The following MYD88 variants were observed in gnomAD, a reference collection of about 807,000 sequenced individuals.
The protein encoded by MYD88 is MYD88 innate immune signal transduction adaptor.
Under a neutral mutation model 31.1 loss-of-function variants are expected in MYD88, and 15 were observed. The ratio of observed to expected loss-of-function variants is 0.48; its 90% confidence interval spans 0.32 to 0.74. The LOEUF (loss-of-function observed/expected upper bound fraction) is 0.74. MYD88 is among the 30% of genes least tolerant of loss of function. The pLI, the probability that MYD88 is intolerant of heterozygous loss-of-function variation, is 0.03. For missense variants in MYD88, 308 were observed against 387.4 expected, an observed-to-expected ratio of 0.79 and a Z score of 1.72; for synonymous variants, 157 against 158.8, an observed-to-expected ratio of 0.99 and a Z score of 0.08.
rs1471682968 is a variant in MYD88, at chr3:38,142,891, C to T, written c.*1605C>T. Reference sequence around the variant, plus strand: ...TTAAAGCCATCTCAAGAGGCATCTTCTACATGTTTTGTACGCATTAAAATA... The same window carrying T: ...TTAAAGCCATCTCAAGAGGCATCTTTTACATGTTTTGTACGCATTAAAATA... On this transcript the variant is annotated 3_prime_UTR_variant, in exon 5 of 5. Coordinates refer to ENST00000650905, the MANE Select transcript of MYD88 (RefSeq NM_002468.5). 1 of 233,156 alleles carries T rather than the reference C, an allele frequency of 4.3e-6. No individual in the cohort carries two copies. The highest frequency in any genetic ancestry group is 8.5e-6 in the Non-Finnish European group (1 of 118,052). 14.4% of individuals were successfully genotyped at this position (233,156 alleles called of 1,614,324 possible). A position where few individuals can be genotyped will look rare whatever the true frequency, so the allele number is the denominator to read the frequency against.
At position 38,138,767 on chromosome 3, in the gene MYD88, G is replaced by A. The variant is rs750178090; in HGVS notation, c.67G>A (p.Ala23Thr). The change falls in exon 1 of 5, where the codon GCT (alanine) becomes ACT (threonine). Residue 23 changes from alanine (A) to threonine (T), a missense_variant. By Grantham distance (58) the Ala-to-Thr change is moderately conservative. Coordinates refer to ENST00000650905, the MANE Select transcript of MYD88 (RefSeq NM_002468.5). The surrounding 1 kb of genome is among the most constrained non-coding windows in gnomAD (Gnocchi z 6.4). ...PVSSTSSLPL[A>T]ALNMRVRRRL... ...CTCCTCCACATCCTCCCTTCCCCTG[G>A]CTGCTCTCAACATGCGAGTGCGGCG... 6.2e-7 allele frequency: 1 copy of A among 1,612,896 alleles called. No individual in the cohort carries two copies. Among genetic ancestry groups the A allele is most frequent in the South Asian group, 1.1e-5 (1 of 91,086 alleles).
Position 38,140,575 on chromosome 3 carries a change from TAGA to T in MYD88, c.644+10_644+12del, listed in dbSNP as rs1267085916. 1 of 1,614,146 alleles carries T rather than the reference TAGA, an allele frequency of 6.2e-7. No homozygotes were observed. Among genetic ancestry groups the T allele is most frequent in the African/African-American group, 1.3e-5 (1 of 75,042 alleles). On this transcript the variant is annotated splice_region_variant and intron_variant, in intron 3 of 4. Coordinates refer to ENST00000650905, the MANE Select transcript of MYD88 (RefSeq NM_002468.5). ...GTGAGCTCATCGAAAAGAGGTTGGC[TAGA>T]AGGCCACGGGGTGGGTGCGTGGATG... is the stretch of plus-strand genomic sequence containing the variant.
In MYD88 at chr3:38,141,280, G is replaced by T; in HGVS notation, c.885G>T (p.Leu295=). 6.2e-7 allele frequency: 1 copy of T among 1,614,232 alleles called. No individual in the cohort carries two copies. Among genetic ancestry groups the T allele is most frequent in the Non-Finnish European group, 8.5e-7 (1 of 1,180,044 alleles). The part of the protein sequence containing the change: ...FWTRLAKALS[L]P ...CTCGCCTTGCCAAGGCCTTGTCCCT[G>T]CCCTGAAGACTGTTCTGAGGCCCTG... The change falls in exon 5 of 5, where the codon CTG becomes CTT. Residue 295 remains leucine (L), a synonymous_variant. Transcript: ENST00000650905.
At position 38,139,061 on chromosome 3, in the gene MYD88, G is replaced by C; in HGVS notation, c.328+33G>C. 1 of 1,590,272 alleles carries C rather than the reference G, an allele frequency of 6.3e-7. No homozygotes were observed. Among genetic ancestry groups the C allele is most frequent in the Non-Finnish European group, 8.5e-7 (1 of 1,173,154 alleles). On this transcript the variant is annotated intron_variant, in intron 1 of 4. Transcript: ENST00000650905. This position sits in a 1 kb window ranked among gnomAD's most constrained non-coding sequence, Gnocchi z 4.7. ...CGTCCCCTTCCTGGCCTCGTACCTG[G>C]GGGGTGAGGAGGCTGACTTTCCGCG...
In MYD88 at chr3:38,142,832, GC is replaced by G. The variant is rs1298164607; in HGVS notation, c.*1548del. The G allele has an allele frequency of 4.3e-6, 1 of 233,150 alleles. No individual in the cohort carries two copies. Among genetic ancestry groups the G allele is most frequent in the Non-Finnish European group, 8.5e-6 (1 of 118,066 alleles). The allele number at this position is 233,150 out of a possible 1,614,324, so 14.4% of individuals were successfully genotyped here. On this transcript the variant is annotated 3_prime_UTR_variant, in exon 5 of 5. Transcript: ENST00000650905. ...CATGATCTTGTTGAGGCATTTAGCT[GC>G]CATGCACCTGTCCCCCTTTAATACT...
chr3:38,141,301 C>T lies in MYD88; in HGVS notation c.*15C>T. 2 of 1,614,186 alleles carry T rather than the reference C, an allele frequency of 1.2e-6. No homozygotes were observed. Among genetic ancestry groups the T allele is most frequent in the Non-Finnish European group, 1.7e-6 (2 of 1,179,994 alleles). ...CCCTGCCCTGAAGACTGTTCTGAGG[C>T]CCTGGGTGTGTGTGTATCTGTCTGC... On this transcript the variant is annotated 3_prime_UTR_variant, in exon 5 of 5. Transcript: ENST00000650905.
chr3:38,140,479 A>G lies in MYD88; in HGVS notation c.555A>G (p.Thr185=). 6.2e-7 allele frequency: 1 copy of G among 1,614,240 alleles called. No individual in the cohort carries two copies. The highest frequency in any genetic ancestry group is 8.5e-7 in the Non-Finnish European group (1 of 1,180,042). The stretch of plus-strand genomic sequence containing the variant: ...AGATGATCCGGCAACTGGAACAGAC[A>G]AACTATCGACTGAAGTTGTGTGTGT... The part of the protein sequence containing the change: ...VQEMIRQLEQ[T]NYRLKLCVSD... The change falls in exon 3 of 5, where the codon ACA becomes ACG. Residue 185 remains threonine, a synonymous_variant. Coordinates refer to ENST00000650905, the MANE Select transcript of MYD88 (RefSeq NM_002468.5).
chr3:38,139,833 G>A lies in MYD88; in HGVS notation c.329-31G>A, dbSNP rs1319564137. 14 of 1,611,288 alleles carry A rather than the reference G, an allele frequency of 8.7e-6. No homozygotes were observed. In the Admixed American group the frequency reaches 2.2e-4, roughly 25 times the overall value. On this transcript the variant is annotated intron_variant, in intron 1 of 4. Coordinates refer to ENST00000650905, the MANE Select transcript of MYD88 (RefSeq NM_002468.5). The surrounding 1 kb of genome is among the most constrained non-coding windows in gnomAD (Gnocchi z 4.7). ...GGGTAAAGAGGTAGGCACTCCCAGG[G>A]AGGCTGCTTTACTCTGTCTCTTCCC...
intron 4 of MYD88, 22 bp from the exon 5 acceptor site, chr3:38,141,109 GC>G: frequency 6.2e-7 from 1 of 1,614,218 alleles, no homozygotes; most frequent in Admixed American, 1.7e-5. Flanking sequence ...CCTGATGCCA[GC>G]ATGGCACCCC....
At chr3:38,140,132 C>A in intron 2 of MYD88, 134 bp downstream of exon 2, 1 of 1,192,494 alleles carries the variant, frequency 8.4e-7, no homozygotes, top group Non-Finnish European at 1.2e-6. Context: ...AGTTTCCTCA[C>A]CTAAGAAATG....
rs1192462163 is a variant in MYD88, at chr3:38,140,741, G to A, written c.645-16G>A. 2 of 1,612,778 alleles carry A rather than the reference G, an allele frequency of 1.2e-6. No individual in the cohort carries two copies. Among genetic ancestry groups the A allele is most frequent in the South Asian group, 1.1e-5 (1 of 91,054 alleles). ...TAAGTTGCCACAGGACCTGCAGCCTGCCCACTCTCCCCTAGGTGCCGCCGG... is the reference window on the plus strand; with the variant it reads ...TAAGTTGCCACAGGACCTGCAGCCTACCCACTCTCCCCTAGGTGCCGCCGG... On this transcript the variant is annotated splice_polypyrimidine_tract_variant and intron_variant, in intron 3 of 4. Coordinates refer to ENST00000650905, the MANE Select transcript of MYD88 (RefSeq NM_002468.5).
Position 38,139,880 on chromosome 3 carries a change from G to C in MYD88, c.345G>C (p.Lys115Asn), listed in dbSNP as rs56253885. ...TCCCCACAGAGGAGGATTGCCAAAA[G>C]TATATCTTGAAGCAGCAGCAGGAGG... ...LGPSIEEDCQ[K>N]YILKQQQEEA... Residue 115 changes from lysine to asparagine, a missense_variant, in exon 2 of 5, where the codon AAG becomes AAC. Physicochemically the swap from Lys to Asn is moderately conservative, Grantham distance 94. Coordinates refer to ENST00000650905, the MANE Select transcript of MYD88 (RefSeq NM_002468.5). The surrounding 1 kb of genome is among the most constrained non-coding windows in gnomAD (Gnocchi z 4.7). 9.9e-6 allele frequency: 16 copies of C among 1,613,212 alleles called. No homozygotes were observed. The East Asian group carries it at 3.6e-4, about 36-fold the overall frequency.
rs748875466 is a variant in MYD88 at position 38,140,488 on chromosome 3, A to T, written c.564A>T (p.Arg188=). The change falls in exon 3 of 5, where the codon CGA becomes CGT. Residue 188 remains arginine (R), a synonymous_variant. Coordinates refer to ENST00000650905, the MANE Select transcript of MYD88 (RefSeq NM_002468.5). ...MIRQLEQTNY[R]LKLCVSDRDV... The stretch of plus-strand genomic sequence containing the variant: ...GGCAACTGGAACAGACAAACTATCG[A>T]CTGAAGTTGTGTGTGTCTGACCGCG... 111 of 1,614,064 alleles carry T rather than the reference A, an allele frequency of 6.9e-5. No homozygotes were observed. In the East Asian group the frequency reaches 2.4e-3, roughly 36 times the overall value.
rs1701001710 is a variant in MYD88 at position 38,138,940 on chromosome 3, A to G, written c.240A>G (p.Gly80=). 1 of 1,611,180 alleles carries G rather than the reference A, an allele frequency of 6.2e-7. No individual in the cohort carries two copies. Among genetic ancestry groups the G allele is most frequent in the Admixed American group, 1.7e-5 (1 of 60,006 alleles). ...GCAGGCTGCTGGACGCCTGGCAGGG[A>G]CGCCCTGGCGCCTCTGTAGGCCGAC... ...PTGRLLDAWQ[G]RPGASVGRLL... is the part of the protein sequence containing the mutation. Residue 80 remains glycine (G), a synonymous_variant, in exon 1 of 5, where the codon GGA becomes GGG. Transcript: ENST00000650905. The surrounding 1 kb of genome is among the most constrained non-coding windows in gnomAD (Gnocchi z 6.4).
chr3:38,140,059 A>T (rs1282802533), intron 2 of MYD88, 61 bp downstream of exon 2: 2 of 1,597,750 alleles, frequency 1.3e-6, no homozygotes, highest in Non-Finnish European at 1.7e-6. Flanking sequence ...TGTTAAGAGC[A>T]TGGGTGTTTG....
At position 38,141,358 on chromosome 3, in the gene MYD88, T is replaced by C. The variant is rs1322993808; in HGVS notation, c.*72T>C. 1 of 1,582,654 alleles carries C rather than the reference T, an allele frequency of 6.3e-7. No homozygotes were observed. The stretch of plus-strand genomic sequence containing the variant: ...ATGTACTTCTGCCCTGCCTCCTCCT[T>C]TCGTTGTAGGAGGAATCTGTGCTCT... On this transcript the variant is annotated 3_prime_UTR_variant, in exon 5 of 5. Coordinates refer to ENST00000650905, the MANE Select transcript of MYD88 (RefSeq NM_002468.5).
Position 38,139,863 on chromosome 3 carries a change from GA to G in MYD88, c.329del (p.Glu110GlyfsTer9). On this transcript the variant is annotated frameshift_variant and splice_region_variant, in exon 2 of 5. Coordinates refer to ENST00000650905, the MANE Select transcript of MYD88 (RefSeq NM_002468.5). LOFTEE classifies it high-confidence loss of function. This position sits in a 1 kb window ranked among gnomAD's most constrained non-coding sequence, Gnocchi z 4.7. The part of the protein sequence containing the change: ...DVLLELGPSI[E>X]EDCQKYILKQ... Reference sequence around the variant, plus strand: ...TGCTTTACTCTGTCTCTTCCCCACAGAGGAGGATTGCCAAAAGTATATCTTG... The same window carrying G: ...TGCTTTACTCTGTCTCTTCCCCACAGGGAGGATTGCCAAAAGTATATCTTG... 1 of 1,612,820 alleles carries G rather than the reference GA, an allele frequency of 6.2e-7. No individual in the cohort carries two copies. Among genetic ancestry groups the G allele is most frequent in the Non-Finnish European group, 8.5e-7 (1 of 1,180,010 alleles).
Position 38,140,547 on chromosome 3 carries a change from C to T in MYD88, c.623C>T (p.Ala208Val), listed in dbSNP as rs1411477800. 4 of 1,614,084 alleles carry T rather than the reference C, an allele frequency of 2.5e-6. No homozygotes were observed. The highest frequency in any genetic ancestry group is 1.7e-6 in the Non-Finnish European group (2 of 1,180,038). Residue 208 changes from alanine to valine, a missense_variant, in exon 3 of 5, where the codon GCT (alanine) becomes GTT (valine). Ala to Val is a moderately conservative substitution (Grantham distance 64). Coordinates refer to ENST00000650905, the MANE Select transcript of MYD88 (RefSeq NM_002468.5). ...CCTGGCACCTGTGTCTGGTCTATTG[C>T]TAGTGAGCTCATCGAAAAGAGGTTG... The part of the protein sequence containing the change: ...VLPGTCVWSI[A>V]SELIEKRCRR...
Position 38,140,908 on chromosome 3 carries a change from T to G in MYD88, c.736+60T>G. 2.6e-6 allele frequency: 4 copies of G among 1,534,430 alleles called. No homozygotes were observed. The South Asian group carries it at 3.4e-5, about 13-fold the overall frequency. On this transcript the variant is annotated intron_variant, in intron 4 of 4. Transcript: ENST00000650905. ...GAATGTGTAGGTGGGGCCTCTGGATTGTCAGCCTTCCCTCCCCAAGGACTG... is the reference window on the plus strand; with the variant it reads ...GAATGTGTAGGTGGGGCCTCTGGATGGTCAGCCTTCCCTCCCCAAGGACTG...
Sources: gnomAD v4.1 joint callset for allele counts on GRCh38, gnomAD v4.1.1 for gene constraint, Gnocchi (gnomAD v3.1) non-coding constraint, MANE v1.5 for transcripts, NCBI Gene and HGNC (gene_info 2026-07-23, HGNC 2026-07-21) for gene names.